MOGS: variants seen among roughly 807,000 people sequenced by gnomAD.
MOGS encodes mannosyl-oligosaccharide glucosidase, also known as epididymis secretory sperm binding protein.
MOGS carries 45 observed loss-of-function variants against 68.5 expected under a neutral mutation model. The ratio of observed to expected loss-of-function variants is 0.66; its 90% CI spans 0.52 to 0.84. The LOEUF is 0.84. MOGS is among the 40% of genes least tolerant of loss of function. The pLI is 0.00. For missense variants in MOGS, 1,020 were observed against 1,095.0 expected (o/e 0.93, Z 0.97); for synonymous variants, 492 against 461.2 (o/e 1.07, Z -0.86).
At chr2:74,464,834 G>A in intron 1 of MOGS, 62 bp downstream of exon 1, 1 of 1,567,634 alleles carries the variant, frequency 6.4e-7, no homozygotes, top group Non-Finnish European at 8.7e-7. Context: ...CCTTGCTCTC[G>A]CTTCAAGCTG....
Position 74,462,542 on chromosome 2 carries a change from C to T in MOGS, c.1247G>A (p.Gly416Glu). 1.9e-6 allele frequency: 3 copies of T among 1,610,202 alleles called. No individual in the cohort carries two copies. The East Asian group carries it at 6.7e-5, about 36-fold the overall frequency. Residue 416 changes from glycine to glutamate, a missense_variant, in exon 4 of 4, where the codon GGG becomes GAG. By Grantham distance (98) the Gly-to-Glu change is moderately conservative. Transcript: ENST00000448666. Reference protein sequence around the residue: ...YGQGLVLPDIGVEGSEQKVDP... With the variant: ...YGQGLVLPDIEVEGSEQKVDP... ...CACCTTCTGCTCAGACCCTTCCACC[C>T]CGATGTCTGGCAATACCAGCCCTTG... is the stretch of plus-strand genomic sequence containing the variant.
chr2:74,464,993 G>A lies in MOGS; in HGVS notation c.255C>T (p.Ser85=), dbSNP rs759157587. The change falls in exon 1 of 4, where the codon TCC becomes TCT. Residue 85 remains serine, a synonymous_variant. Coordinates refer to ENST00000448666, the MANE Select transcript of MOGS (RefSeq NM_006302.3). ...GGTCCGGGGCCACGGCGGGGCTGGA[G>A]GAGTCGGCAGGCAACACAGGAGGCG... ...HSAPPVLPAD[S]SSPAVAPDLF... The A allele has an allele frequency of 3.9e-6, 6 of 1,558,018 alleles. No homozygotes were observed. The South Asian group carries it at 5.9e-5, about 15-fold the overall frequency.
rs1178698921 is a variant in MOGS, at chr2:74,463,284, T to C, written c.682A>G (p.Lys228Glu). The C allele has an allele frequency of 1.2e-6, 2 of 1,613,964 alleles. No individual in the cohort carries two copies. The highest frequency in any genetic ancestry group is 2.7e-5 in the African/African-American group (2 of 74,874). ...LPEVGAKGQLKFISGHTSELG... is the reference protein window; with the variant it reads ...LPEVGAKGQLEFISGHTSELG... ...TCACTGGTGTGCCCACTGATAAACT[T>C]CAACTGCCCCTTGGCCCCAACCTCT... The change falls in exon 3 of 4, where the codon AAG becomes GAG. Residue 228 changes from lysine to glutamate, a missense_variant. Coordinates refer to ENST00000448666, the MANE Select transcript of MOGS (RefSeq NM_006302.3).
At position 74,463,305 on chromosome 2, in the gene MOGS, C is replaced by A. The variant is rs766990094; in HGVS notation, c.661G>T (p.Val221Phe). 1.7e-5 allele frequency: 27 copies of A among 1,614,086 alleles called. No homozygotes were observed. Among genetic ancestry groups the A allele is most frequent in the Non-Finnish European group, 2.2e-5 (26 of 1,180,050 alleles). The change falls in exon 3 of 4, where the codon GTT becomes TTT. Residue 221 changes from valine (V) to phenylalanine (F), a missense_variant. Transcript: ENST00000448666. ...TDGKEVLLPE[V>F]GAKGQLKFIS... ...AACTTCAACTGCCCCTTGGCCCCAACCTCTGGTAGTAGGACTTCCTTGCCA... is the reference window on the plus strand; with the variant it reads ...AACTTCAACTGCCCCTTGGCCCCAAACTCTGGTAGTAGGACTTCCTTGCCA...
chr2:74,462,587 C>T lies in MOGS; in HGVS notation c.1202G>A (p.Gly401Glu). 8 of 1,613,924 alleles carry T rather than the reference C, an allele frequency of 5.0e-6. No homozygotes were observed. The highest frequency in any genetic ancestry group is 6.8e-6 in the Non-Finnish European group (8 of 1,179,872). ...GQAALSGLLG[G>E]IGYFYGQGLV... ...CCCTTGTCCGTAGAAGTAGCCAATTCCACCAAGGAGGCCGCTGAGGGCAGC... is the reference window on the plus strand; with the variant it reads ...CCCTTGTCCGTAGAAGTAGCCAATTTCACCAAGGAGGCCGCTGAGGGCAGC... The change falls in exon 4 of 4, where the codon GGA becomes GAA. Residue 401 changes from glycine (G) to glutamate (E), a missense_variant. Physicochemically the swap from Gly to Glu is moderately conservative, Grantham distance 98. Around this residue, in one of 3 missense-constraint regions of MOGS, gnomAD observed 569 missense variants for 571.9 expected, o/e 0.99. Transcript: ENST00000448666.
intron 3 of MOGS, 86 bp from the exon 4 acceptor site, chr2:74,463,098 A>G: frequency 1.2e-6 from 2 of 1,608,806 alleles, no homozygotes; most frequent in Non-Finnish European, 1.7e-6. Context: ...TTCAGGAGTC[A>G]GGTTGGGAGG....
chr2:74,464,854 G>C (rs758723527), intron 1 of MOGS, 42 bp downstream of exon 1: 82 of 1,588,630 alleles, frequency 5.2e-5, no homozygotes, highest in Non-Finnish European at 6.6e-5. Context: ...GGGGCGCCCA[G>C]ATTAGGAGTC....
At position 74,462,758 on chromosome 2, in the gene MOGS, C is replaced by T. The variant is rs1572920631; in HGVS notation, c.1031G>A (p.Gly344Glu). 2.5e-6 allele frequency: 4 copies of T among 1,614,254 alleles called. No homozygotes were observed. The highest frequency in any genetic ancestry group is 1.3e-5 in the African/African-American group (1 of 75,070). ...CAGTCTTGGCAGGGCTTGATTTCCT[C>T]CTGCCTGGGCACTGCCTGATTCAAA... Reference protein sequence around the residue: ...FVFESGSAQAGGNQALPRLAG... With the variant: ...FVFESGSAQAEGNQALPRLAG... The change falls in exon 4 of 4, where the codon GGA becomes GAA. Residue 344 changes from glycine to glutamate, a missense_variant. By Grantham distance (98) the Gly-to-Glu change is moderately conservative (BLOSUM62 -2). Coordinates refer to ENST00000448666, the MANE Select transcript of MOGS (RefSeq NM_006302.3).
rs750782882 is a variant in MOGS, at chr2:74,462,922, G to A, written c.867C>T (p.Pro289=). 6.2e-7 allele frequency: 1 copy of A among 1,614,192 alleles called. No homozygotes were observed. Among genetic ancestry groups the A allele is most frequent in the Non-Finnish European group, 8.5e-7 (1 of 1,180,048 alleles). Residue 289 remains proline, a synonymous_variant, in exon 4 of 4, where the codon CCC becomes CCT. Transcript: ENST00000448666. ...GGTAGCGTTCAGGGGGGGCCCCTGG[G>A]GGCCGATGCTGAAACCAGCTATTTA... ...SRLNSWFQHR[P]PGAPPERYLG... is the part of the protein sequence containing the mutation.
chr2:74,462,913 G>C lies in MOGS; in HGVS notation c.876C>G (p.Ala292=), dbSNP rs531051730. ...GCAAGCCGAGGTAGCGTTCAGGGGG[G>C]GCCCCTGGGGGCCGATGCTGAAACC... The part of the protein sequence containing the change: ...NSWFQHRPPG[A]PPERYLGLPG... The change falls in exon 4 of 4, where the codon GCC becomes GCG. Residue 292 remains alanine (A), a synonymous_variant. Coordinates refer to ENST00000448666, the MANE Select transcript of MOGS (RefSeq NM_006302.3). 8 of 1,614,164 alleles carry C rather than the reference G, an allele frequency of 5.0e-6. No homozygotes were observed. Among genetic ancestry groups the C allele is most frequent in the Non-Finnish European group, 5.1e-6 (6 of 1,180,038 alleles).
chr2:74,464,394 T>G, intron 2 of MOGS, 102 bp downstream of exon 2: 1 of 1,135,276 alleles, frequency 8.8e-7, no homozygotes, highest in Non-Finnish European at 1.3e-6. Context: ...TAAGGCAGGA[T>G]TTAAGCCAGG....
Position 74,464,508 on chromosome 2 carries a change from A to G in MOGS, c.567T>C (p.Thr189=), listed in dbSNP as rs1005556804. Residue 189 remains threonine, a synonymous_variant, in exon 2 of 4, where the codon ACT becomes ACC. Transcript: ENST00000448666. ...QHGGDWSWRV[T]VEPQDSGTSA... ...CTGAGGCCCTGACCTGAGGCTCTAC[A>G]GTCACTCTCCAGCTCCAGTCCCCTC... 3.1e-6 allele frequency: 5 copies of G among 1,613,954 alleles called. No individual in the cohort carries two copies. The African/African-American group carries it at 6.7e-5, about 22-fold the overall frequency.
rs768041148 is a variant in MOGS at position 74,465,174 on chromosome 2, C to G, written c.74G>C (p.Gly25Ala). 6.5e-7 allele frequency: 1 copy of G among 1,530,972 alleles called. No homozygotes were observed. Among genetic ancestry groups the G allele is most frequent in the Admixed American group, 2.0e-5 (1 of 50,748 alleles). The allele number at this position is 1,530,972 out of a possible 1,614,324, so 94.8% of individuals were successfully genotyped here. Residue 25 changes from glycine (G) to alanine (A), a missense_variant, in exon 1 of 4, where the codon GGA (glycine) becomes GCA (alanine). Gly to Ala is a moderately conservative substitution (Grantham distance 60, BLOSUM62 0). Around this residue, in one of 3 missense-constraint regions of MOGS, gnomAD observed 569 missense variants for 571.9 expected, o/e 0.99. Coordinates refer to ENST00000448666, the MANE Select transcript of MOGS (RefSeq NM_006302.3). ...GVRTAERAAR[G>A]GPGRRDGRGG... ...CCGGCCGTCCCGTCGCCCGGGGCCTCCCCGAGCCGCCCTCTCGGCTGTCCG... is the reference window on the plus strand; with the variant it reads ...CCGGCCGTCCCGTCGCCCGGGGCCTGCCCGAGCCGCCCTCTCGGCTGTCCG...
At position 74,462,507 on chromosome 2, in the gene MOGS, G is replaced by A. The variant is rs1671949903; in HGVS notation, c.1282C>T (p.Leu428Phe). The change falls in exon 4 of 4, where the codon CTC becomes TTC. Residue 428 changes from leucine (L) to phenylalanine (F), a missense_variant. Physicochemically the swap from Leu to Phe is conservative, Grantham distance 22. Around this residue, in one of 3 missense-constraint regions of MOGS, gnomAD observed 569 missense variants for 571.9 expected, o/e 0.99. Coordinates refer to ENST00000448666, the MANE Select transcript of MOGS (RefSeq NM_006302.3). ...EGSEQKVDPA[L>F]FPPVPLFTAV... Reference sequence around the variant, plus strand: ...GTAAAAAGAGGTACGGGTGGAAAGAGGGCTGGGTCCACCTTCTGCTCAGAC... The same window carrying A: ...GTAAAAAGAGGTACGGGTGGAAAGAAGGCTGGGTCCACCTTCTGCTCAGAC... 1.2e-6 allele frequency: 2 copies of A among 1,607,782 alleles called. No individual in the cohort carries two copies. Among genetic ancestry groups the A allele is most frequent in the Non-Finnish European group, 1.7e-6 (2 of 1,175,748 alleles).
Position 74,462,836 on chromosome 2 carries a change from T to C in MOGS, c.953A>G (p.Gln318Arg), listed in dbSNP as rs1020435039. The C allele has an allele frequency of 6.8e-6, 11 of 1,614,100 alleles. No homozygotes were observed. Among genetic ancestry groups the C allele is most frequent in the Non-Finnish European group, 9.3e-6 (11 of 1,180,044 alleles). The change falls in exon 4 of 4, where the codon CAG (glutamine) becomes CGG (arginine). Residue 318 changes from glutamine to arginine, a missense_variant. Around this residue, in one of 3 missense-constraint regions of MOGS, gnomAD observed 569 missense variants for 571.9 expected, o/e 0.99. Transcript: ENST00000448666. ...CAGGGTCACCTGCTGTATCAAGAAC[T>C]GCCCCTGCCCTTGCCCACTTGGACC... ...DRGPSGQGQGQFLIQQVTLKI... is the reference protein window; with the variant it reads ...DRGPSGQGQGRFLIQQVTLKI...
At position 74,462,096 on chromosome 2, in the gene MOGS, G is replaced by C. The variant is rs745841543; in HGVS notation, c.1693C>G (p.Arg565Gly). Reference sequence around the variant, plus strand: ...AGTAAGGTTGGTAAGGCAGGGTCCCGTCCCCGCCAGCGGTAAGATAGTGGC... The same window carrying C: ...AGTAAGGTTGGTAAGGCAGGGTCCCCTCCCCGCCAGCGGTAAGATAGTGGC... ...PLPLSYRWRGRDPALPTLLNP... is the reference protein window; with the variant it reads ...PLPLSYRWRGGDPALPTLLNP... Residue 565 changes from arginine to glycine, a missense_variant, in exon 4 of 4, where the codon CGG (arginine) becomes GGG (glycine). By Grantham distance (125) the Arg-to-Gly change is moderately radical (BLOSUM62 -2). This residue lies in a region of MOGS where 181 missense variants were observed against 261.8 expected (regional missense o/e 0.69). Coordinates refer to ENST00000448666, the MANE Select transcript of MOGS (RefSeq NM_006302.3). 6.2e-7 allele frequency: 1 copy of C among 1,614,000 alleles called. No individual in the cohort carries two copies. Among genetic ancestry groups the C allele is most frequent in the Non-Finnish European group, 8.5e-7 (1 of 1,179,964 alleles).
In MOGS at chr2:74,465,318, C is replaced by G; in HGVS notation, c.-71G>C. ...GGAGCCCGGGTCCTGCCTCACCTCT[C>G]CGGCTCCCGCCTCTCGCCCTGGCGA... On this transcript the variant is annotated 5_prime_UTR_variant, in exon 1 of 4. Transcript: ENST00000448666. The G allele has an allele frequency of 8.7e-7, 1 of 1,143,316 alleles. No individual in the cohort carries two copies. 70.8% of individuals were successfully genotyped at this position (1,143,316 alleles called of 1,614,324 possible).
In MOGS at chr2:74,464,900, G is replaced by A; in HGVS notation, c.348C>T (p.Leu116=). 6.2e-7 allele frequency: 1 copy of A among 1,606,180 alleles called. No homozygotes were observed. Among genetic ancestry groups the A allele is most frequent in the Non-Finnish European group, 8.5e-7 (1 of 1,176,072 alleles). The change falls in exon 1 of 4, where the codon CTC becomes CTT. Residue 116 remains leucine (L), a synonymous_variant. Transcript: ENST00000448666. The stretch of plus-strand genomic sequence containing the variant: ...CCCGCCCTGGGGCCCGGTTACCGGT[G>A]AGGAGGGGCTTCGGGCTGCGGGTCT... The part of the protein sequence containing the change: ...GMKTRSPKPL[L]TGLMWAQQGT...
At chr2:74,463,676 T>TG (rs1309157289) in intron 2 of MOGS, 45 of 337,380 alleles carry the variant, frequency 1.3e-4, no homozygotes, top group Non-Finnish European at 2.4e-4. Context: ...TTTTTTTTTT[T>TG]TTTTTGAGGC....
Sources: gnomAD v4.1 joint callset for allele counts on GRCh38, gnomAD v4.1.1 for gene constraint, gnomAD v4.1.1 regional missense constraint, MANE v1.5 for transcripts, NCBI Gene and HGNC (gene_info 2026-07-23, HGNC 2026-07-21) for gene names.